FAM120A: variants seen among roughly 807,000 people sequenced by gnomAD.
FAM120A encodes constitutive coactivator of PPAR-gamma-like protein 1.
Under a neutral mutation model 109.7 loss-of-function variants are expected in FAM120A, and 15 were observed. That is an observed-to-expected ratio of 0.14 (90% CI 0.09 to 0.21). The LOEUF is 0.21. FAM120A is among the 10% of genes least tolerant of loss of function. FAM120A has a pLI of 1.00. For synonymous variants in FAM120A, 493 were observed against 572.8 expected (o/e 0.86, Z 1.99); for missense variants, 899 against 1,439.3 (o/e 0.62, Z 6.07).
At position 93,561,213 on chromosome 9, in the gene FAM120A, C is replaced by T. The variant is rs751524479; in HGVS notation, c.2911C>T (p.Pro971Ser). The change falls in exon 16 of 18, where the codon CCC becomes TCC. Residue 971 changes from proline (P) to serine (S), a missense_variant. Pro to Ser is a moderately conservative substitution (Grantham distance 74, BLOSUM62 -1). Transcript: ENST00000277165. ...RRGRGGRGPF[P>S]LQVVSVGGPA... ...GGGCCGTGGGGGCCGGGGGCCTTTC[C>T]CCCTGCAGGTGGTTTCTGTCGGAGG... 1.2e-6 allele frequency: 2 copies of T among 1,613,250 alleles called. No individual in the cohort carries two copies. The highest frequency in any genetic ancestry group is 1.7e-6 in the Non-Finnish European group (2 of 1,179,792).
intron 5 of FAM120A, among the ~76,000 whole-genome samples, chr9:93,503,003 A>G (rs1439403531): frequency 1.3e-5 from 2 of 152,244 alleles, no homozygotes; most frequent in Non-Finnish European, 2.9e-5. Flanking sequence ...GAGGCTGAAG[A>G]AGTAGCCACT....
chr9:93,558,550 C>T (rs1236414718), intron 14 of FAM120A, 31 bp from the exon 15 acceptor site: 1 of 1,612,394 alleles, frequency 6.2e-7, no homozygotes, highest in East Asian at 2.2e-5. Context: ...CCTTACACTT[C>T]TCCCCTCTCT....
intron 11 of FAM120A, 35 bp downstream of exon 11, chr9:93,543,506 C>T: frequency 6.2e-7 from 1 of 1,603,906 alleles, no homozygotes; most frequent in Non-Finnish European, 8.5e-7. Context: ...GACCTGGGTC[C>T]CCGCCAGGTG....
At chr9:93,560,179 C>T (rs938352884) in intron 15 of FAM120A, among the ~76,000 whole-genome samples, 1 of 151,988 alleles carries the variant, frequency 6.6e-6, no homozygotes, top group South Asian at 2.1e-4. Flanking sequence ...CCTGTAGTCC[C>T]AGCTACTCAG....
At chr9:93,464,304 A>G (rs1857918717) in intron 1 of FAM120A, among the ~76,000 whole-genome samples, 1 of 152,236 alleles carries the variant, frequency 6.6e-6, no homozygotes, top group Non-Finnish European at 1.5e-5. Context: ...AACTACTGAG[A>G]TAAAAAGATT....
chr9:93,523,747 A>G (rs770548279), intron 7 of FAM120A, among the ~76,000 whole-genome samples: 7 of 152,258 alleles, frequency 4.6e-5, no homozygotes, highest in Middle Eastern at 3.2e-3. Flanking sequence ...AGGCTGTGAA[A>G]GAAGTTTGAG....
At chr9:93,505,369 G>T (rs1860000913) in intron 5 of FAM120A, among the ~76,000 whole-genome samples, 1 of 152,120 alleles carries the variant, frequency 6.6e-6, no homozygotes, top group African/African-American at 2.4e-5. Flanking sequence ...CTGTTCGCTT[G>T]TGTTTCTGTT....
chr9:93,469,636 T>A (rs1365483933), intron 1 of FAM120A, among the ~76,000 whole-genome samples: 1 of 152,204 alleles, frequency 6.6e-6, no homozygotes. Flanking sequence ...AAAAATCTAT[T>A]CTATTTTAGC....
rs557827024 is a variant in FAM120A, at chr9:93,470,650, G to T, written c.475-491G>T. Among the ~76,000 whole-genome samples the T allele has an allele frequency of 2.0e-5, 3 of 152,288 alleles. No homozygotes were observed. The East Asian group carries it at 5.8e-4, about 29-fold the overall frequency. ...ATAAGAACTGGTTGACAGGTAGGCC[G>T]AGGGATCATACTTTTATTTTATTTT... On this transcript the variant is annotated intron_variant, in intron 1 of 17. Coordinates refer to ENST00000277165, the MANE Select transcript of FAM120A (RefSeq NM_014612.5).
rs371749104 is a variant in FAM120A, at chr9:93,529,786, C to T, written c.1734+206C>T. On this transcript the variant is annotated intron_variant, in intron 9 of 17. Coordinates refer to ENST00000277165, the MANE Select transcript of FAM120A (RefSeq NM_014612.5). ...TTTTAAAATAACTCGTGAAAAGTCT[C>T]ACTTTTTTCCTTCAACTTAGTATAG... The T allele has an allele frequency of 4.9e-6, 3 of 616,872 alleles. No individual in the cohort carries two copies. The East Asian group carries it at 8.3e-5, about 17-fold the overall frequency. The allele number at this position is 616,872 out of a possible 1,614,324, so 38.2% of individuals were successfully genotyped here.
At chr9:93,478,677 T>C (rs1171931796) in intron 3 of FAM120A, among the ~76,000 whole-genome samples, 1 of 152,162 alleles carries the variant, frequency 6.6e-6, no homozygotes, top group Non-Finnish European at 1.5e-5. Flanking sequence ...GGTTTCACCA[T>C]GTTGTCCATA....
At chr9:93,541,333 A>G (rs771746547) in intron 10 of FAM120A, among the ~76,000 whole-genome samples, 28 of 152,050 alleles carry the variant, frequency 1.8e-4, no homozygotes, top group Non-Finnish European at 3.8e-4. Flanking sequence ...AGGCCTGTGC[A>G]TGGTAGTGGT....
At chr9:93,515,252 C>T (rs1182490806) in intron 5 of FAM120A, among the ~76,000 whole-genome samples, 3 of 148,170 alleles carry the variant, frequency 2.0e-5, no homozygotes, top group Non-Finnish European at 3.1e-5. Context: ...CTGTTCGGTC[C>T]GACTTTGTTC....
chr9:93,475,834 C>T (rs1176618685), intron 2 of FAM120A, among the ~76,000 whole-genome samples: 1 of 152,188 alleles, frequency 6.6e-6, no homozygotes, highest in Non-Finnish European at 1.5e-5. Flanking sequence ...GTGCAGATTT[C>T]ACATTTGGTG....
intron 11 of FAM120A, among the ~76,000 whole-genome samples, chr9:93,548,954 A>G (rs1861995648): frequency 1.3e-5 from 2 of 152,180 alleles, no homozygotes; most frequent in South Asian, 4.1e-4. Context: ...GAGGCAGGAG[A>G]ATCACTTGAA....
intron 3 of FAM120A, among the ~76,000 whole-genome samples, chr9:93,491,999 C>A (rs529323131): frequency 6.6e-6 from 1 of 152,102 alleles, no homozygotes; most frequent in African/African-American, 2.4e-5. Context: ...AACCCTCCTG[C>A]GTAGTTACTG....
chr9:93,508,032 G>A (rs1327316802), intron 5 of FAM120A, among the ~76,000 whole-genome samples: 1 of 152,052 alleles, frequency 6.6e-6, no homozygotes, highest in Non-Finnish European at 1.5e-5. Context: ...AGAAGGGAGT[G>A]GTTTTGGTGC....
intron 7 of FAM120A, among the ~76,000 whole-genome samples, chr9:93,526,592 G>A (rs1490336481): frequency 1.3e-5 from 2 of 151,584 alleles, no homozygotes; most frequent in African/African-American, 4.9e-5. Context: ...AACCCACCAA[G>A]TTTGTGCCAT....
In FAM120A at chr9:93,500,715, C is replaced by G. The variant is rs1036833342; in HGVS notation, c.1030+1829C>G. The stretch of plus-strand genomic sequence containing the variant: ...GCACAGAGCATCAGCAGGAGGGAGA[C>G]TAGCTGTATACTGTTTCATCAGTTA... On this transcript the variant is annotated intron_variant, in intron 5 of 17. Coordinates refer to ENST00000277165, the MANE Select transcript of FAM120A (RefSeq NM_014612.5). The surrounding 1 kb of genome is among the most constrained non-coding windows in gnomAD (Gnocchi z 4.6). Among the ~76,000 whole-genome samples the G allele has an allele frequency of 6.6e-5, 10 of 152,178 alleles. No homozygotes were observed. The highest frequency in any genetic ancestry group is 1.2e-4 in the Non-Finnish European group (8 of 68,034).
Sources: allele counts gnomAD v4.1 joint callset (sites outside exome capture counted in the v4.1 genomes callset), GRCh38; gene constraint gnomAD v4.1.1; non-coding constraint Gnocchi (gnomAD v3.1); transcripts MANE v1.5; gene names NCBI Gene and HGNC (gene_info 2026-07-23, HGNC 2026-07-21).